Variants in MACF1 observed in about 807,000 individuals in gnomAD.
MACF1 encodes the protein microtubule-actin cross-linking factor 1.
MACF1 carries 193 observed loss-of-function variants against 854.8 expected under a neutral mutation model. The ratio of observed to expected loss-of-function variants is 0.23; its 90% CI spans 0.20 to 0.25. The LOEUF (loss-of-function observed/expected upper bound fraction) is 0.25. Ranked by LOEUF, MACF1 falls within the 10% of genes least tolerant of loss-of-function variation. The pLI is 1.00. For missense variants in MACF1, 7,722 were observed against 8,929.1 expected (o/e 0.86, Z 5.45); for synonymous variants, 3,185 against 3,226.7 (o/e 0.99, Z 0.44).
At chr1:39,194,069 G>A (rs561128141) in intron 2 of MACF1, among the ~76,000 whole-genome samples, 5 of 152,238 alleles carry the variant, frequency 3.3e-5, no homozygotes, top group African/African-American at 1.2e-4. Context: ...CTGACCTCAG[G>A]TGATCCAACC....
At chr1:39,413,710 G>C in intron 58 of MACF1, 2 of 1,603,928 alleles carry the variant, frequency 1.2e-6, no homozygotes, top group Non-Finnish European at 1.7e-6. Context: ...CCCAGCTCCT[G>C]CAGTGCCCAC....
chr1:39,157,463 T>G (rs1183845973), intron 2 of MACF1, among the ~76,000 whole-genome samples: 2 of 152,252 alleles, frequency 1.3e-5, no homozygotes, highest in African/African-American at 4.8e-5. Flanking sequence ...AATGGCATCT[T>G]GTGAGCCAGG....
chr1:39,229,592 G>A (rs529393588), intron 1 of MACF1, among the ~76,000 whole-genome samples: 8 of 152,204 alleles, frequency 5.3e-5, no homozygotes, highest in Admixed American at 1.3e-4. Context: ...GTCAAGCAGC[G>A]GGCAGTTATG....
At chr1:39,288,497 A>T (rs1645696725) in intron 15 of MACF1, among the ~76,000 whole-genome samples, 1 of 101,856 alleles carries the variant, frequency 9.8e-6, no homozygotes, top group Non-Finnish European at 2.3e-5. Flanking sequence ...GACTCCATCT[A>T]AAAAAAAAAA....
rs540057997 is a variant in MACF1, at chr1:39,272,197, T to C, written c.529-10011T>C. The stretch of plus-strand genomic sequence containing the variant: ...CCTATATGACAGATAAGAAGTAACT[T>C]ATCAAGATAAGTGTGACATTCCTTC... On this transcript the variant is annotated intron_variant, in intron 6 of 100. Transcript: ENST00000564288. 5.3e-5 allele frequency among the ~76,000 whole-genome samples: 8 copies of C among 152,308 alleles called. No individual in the cohort carries two copies. The South Asian group carries it at 1.7e-3, about 32-fold the overall frequency.
intron 2 of MACF1, among the ~76,000 whole-genome samples, chr1:39,246,907 C>G (rs1644987333): frequency 7.3e-6 from 1 of 136,306 alleles, no homozygotes; most frequent in African/African-American, 2.7e-5. Flanking sequence ...CTAAACATAG[C>G]TTTTTTTTTT....
At chr1:39,234,854 T>C (rs1378809052) in intron 2 of MACF1, among the ~76,000 whole-genome samples, 1 of 43,130 alleles carries the variant, frequency 2.3e-5, no homozygotes, top group African/African-American at 4.7e-5. Flanking sequence ...GAGGTGCTCC[T>C]CACATCCCAG....
At chr1:39,418,592 G>A (rs936243304) in intron 58 of MACF1, among the ~76,000 whole-genome samples, 3 of 152,250 alleles carry the variant, frequency 2.0e-5, no homozygotes, top group South Asian at 2.1e-4. Context: ...GCTGGATGCC[G>A]TGGCTCATGC....
intron 6 of MACF1, among the ~76,000 whole-genome samples, chr1:39,278,605 T>C (rs1465690446): frequency 6.6e-6 from 1 of 152,232 alleles, no homozygotes; most frequent in East Asian, 1.9e-4. Flanking sequence ...TTCTGTCTTG[T>C]TTTACATCAA....
At chr1:39,188,321 T>TCGC (rs1212892248) in intron 2 of MACF1, among the ~76,000 whole-genome samples, 1 of 152,076 alleles carries the variant, frequency 6.6e-6, no homozygotes, top group Non-Finnish European at 1.5e-5. Flanking sequence ...GGTGGGCAGA[T>TCGC]TGCTTGAGCC....
chr1:39,453,813 A>T lies in MACF1; in HGVS notation c.20849A>T (p.Lys6950Ile). 1 of 1,614,210 alleles carries T rather than the reference A, an allele frequency of 6.2e-7. No individual in the cohort carries two copies. Among genetic ancestry groups the T allele is most frequent in the Non-Finnish European group, 8.5e-7 (1 of 1,180,038 alleles). Residue 6950 changes from lysine to isoleucine, a missense_variant, in exon 88 of 101, where the codon AAA (lysine) becomes ATA (isoleucine). Coordinates refer to ENST00000564288, the MANE Select transcript of MACF1 (RefSeq NM_001394062.1). ...VCHPDCITTI[K>I]HWITIIRARF... Reference sequence around the variant, plus strand: ...CACCCCGATTGCATCACAACCATCAAACACTGGATCACCATCATCCGAGCT... The same window carrying T: ...CACCCCGATTGCATCACAACCATCATACACTGGATCACCATCATCCGAGCT...
At chr1:39,297,213 A>G (rs1454839181) in intron 20 of MACF1, among the ~76,000 whole-genome samples, 4 of 152,188 alleles carry the variant, frequency 2.6e-5, no homozygotes, top group Non-Finnish European at 4.4e-5. Context: ...GGCGTGAGCC[A>G]CCGCGCCTGG....
At position 39,331,910 on chromosome 1, in the gene MACF1, C is replaced by T; in HGVS notation, c.5322C>T (p.Gly1774=). Residue 1774 remains glycine (G), a synonymous_variant, in exon 37 of 101, where the codon GGC becomes GGT. Transcript: ENST00000564288. ...RLLEAQLFAG[G]IVDPRTGHRL... ...TGGAAGCTCAGCTTTTTGCTGGTGG[C>T]ATAGTAGATCCAAGAACAGGACACA... 6.2e-7 allele frequency: 1 copy of T among 1,614,078 alleles called. No homozygotes were observed. The highest frequency in any genetic ancestry group is 8.5e-7 in the Non-Finnish European group (1 of 1,180,010).
chr1:39,321,205 C>G (rs1463940614), intron 31 of MACF1, among the ~76,000 whole-genome samples: 4 of 152,168 alleles, frequency 2.6e-5, no homozygotes, highest in East Asian at 1.9e-4. Flanking sequence ...TGAGTTCAAA[C>G]CCTTCACCAT....
At chr1:39,336,711 A>G in intron 37 of MACF1, 58 bp downstream of exon 37, 1 of 1,461,120 alleles carries the variant, frequency 6.8e-7, no homozygotes, top group African/African-American at 1.4e-5. Flanking sequence ...TAATGCTAAA[A>G]TTCTTAACTG....
chr1:39,287,692 T>C, intron 15 of MACF1, 130 bp downstream of exon 15: 1 of 1,046,394 alleles, frequency 9.6e-7, no homozygotes. Flanking sequence ...TTTATTTGAG[T>C]GATGGGGTCT....
intron 2 of MACF1, among the ~76,000 whole-genome samples, chr1:39,128,412 C>T (rs1642914726): frequency 6.6e-6 from 1 of 152,092 alleles, no homozygotes; most frequent in Admixed American, 6.6e-5. Flanking sequence ...CTTAAGAGTT[C>T]TGCCATAGGG....
chr1:39,113,541 T>C (rs566153395), intron 2 of MACF1, among the ~76,000 whole-genome samples: 33 of 152,368 alleles, frequency 2.2e-4, no homozygotes, highest in African/African-American at 7.5e-4. Flanking sequence ...TGACCAATTA[T>C]TTAATTAGTC....
chr1:39,100,798 G>A (rs1642050441), intron 2 of MACF1, among the ~76,000 whole-genome samples: 2 of 152,118 alleles, frequency 1.3e-5, no homozygotes, highest in African/African-American at 4.8e-5. Context: ...AGGTTGCAGT[G>A]AGCCCAGACT....
Sources: allele counts gnomAD v4.1 joint callset (sites outside exome capture counted in the v4.1 genomes callset), GRCh38; gene constraint gnomAD v4.1.1; transcripts MANE v1.5; gene names NCBI Gene and HGNC (gene_info 2026-07-23, HGNC 2026-07-21).